KCNQ3: variants seen among roughly 807,000 people sequenced by gnomAD.
The protein encoded by KCNQ3 is potassium voltage-gated channel subfamily Q member 3, also known as potassium voltage-gated channel subfamily KQT member 3.
KCNQ3 carries 30 observed loss-of-function variants against 92.5 expected under a neutral mutation model. That is an observed-to-expected ratio of 0.32 (90% CI 0.24 to 0.44). KCNQ3 has a LOEUF of 0.44. KCNQ3 is among the 20% of genes least tolerant of loss of function. KCNQ3 has a pLI of 1.00. For synonymous variants in KCNQ3, 450 were observed against 468.8 expected (o/e 0.96, Z 0.52); for missense variants, 913 against 1,140.3 (o/e 0.80, Z 2.87).
intron 9 of KCNQ3, among the ~76,000 whole-genome samples, chr8:132,143,423 A>G (rs1825358592): frequency 6.6e-6 from 1 of 152,178 alleles, no homozygotes. Flanking sequence ...AGTGCTAGCA[A>G]GGCAAAGACT....
chr8:132,467,479 G>A (rs1316020701), intron 1 of KCNQ3, among the ~76,000 whole-genome samples: 4 of 152,098 alleles, frequency 2.6e-5, no homozygotes, highest in Non-Finnish European at 5.9e-5. Context: ...CTATTTTATA[G>A]GACTCTTGGT....
intron 1 of KCNQ3, among the ~76,000 whole-genome samples, chr8:132,431,003 C>G (rs1821236005): frequency 6.6e-6 from 1 of 152,154 alleles, no homozygotes; most frequent in Non-Finnish European, 1.5e-5. Context: ...CAAGAATACG[C>G]TGGACAATGG....
chr8:132,129,803 G>T lies in KCNQ3; in HGVS notation c.2078C>A (p.Pro693Gln). 1 of 1,614,146 alleles carries T rather than the reference G, an allele frequency of 6.2e-7. No individual in the cohort carries two copies. The highest frequency in any genetic ancestry group is 8.5e-7 in the Non-Finnish European group (1 of 1,179,998). ...IICNYSETGP[P>Q]EPPYSFHQVT... ...CTGGTGGAAGCTGTAGGGTGGTTCC[G>T]GGGGGCCTGTCTCAGAATAGTTGCA... Residue 693 changes from proline to glutamine, a missense_variant, in exon 15 of 15, where the codon CCG becomes CAG. Pro to Gln is a moderately conservative substitution (Grantham distance 76, BLOSUM62 -1). Coordinates refer to ENST00000388996, the MANE Select transcript of KCNQ3 (RefSeq NM_004519.4). This position sits in a 1 kb window ranked among gnomAD's most constrained non-coding sequence, Gnocchi z 5.9.
intron 3 of KCNQ3, among the ~76,000 whole-genome samples, chr8:132,181,878 T>A (rs534119674): frequency 6.6e-5 from 10 of 151,056 alleles, no homozygotes; most frequent in Non-Finnish European, 1.5e-4. Flanking sequence ...ATGTCTCTAC[T>A]AAAAATACAA....
At chr8:132,187,807 A>ATGGTGG (rs1166642331) in intron 1 of KCNQ3, among the ~76,000 whole-genome samples, 1,251 of 120,450 alleles carry the variant, frequency 0.01, 54 homozygotes, top group African/African-American at 0.041. Context: ...GGTGATAGTG[A>ATGGTGG]TGGTGGTGGT....
chr8:132,306,048 T>C (rs1817412113), intron 1 of KCNQ3, among the ~76,000 whole-genome samples: 1 of 152,320 alleles, frequency 6.6e-6, no homozygotes, highest in East Asian at 1.9e-4. Flanking sequence ...AATTTACAGA[T>C]GCAGAAACCT....
At chr8:132,447,124 C>G (rs1821698937) in intron 1 of KCNQ3, 1 of 1,305,946 alleles carries the variant, frequency 7.7e-7, no homozygotes, top group African/African-American at 1.5e-5. Flanking sequence ...TGGCTCTTTC[C>G]CTCTCCCCCT....
chr8:132,479,992 A>C lies in KCNQ3; in HGVS notation c.386+155T>G, dbSNP rs2597366. On this transcript the variant is annotated intron_variant, in intron 1 of 14. Transcript: ENST00000388996. The stretch of plus-strand genomic sequence containing the variant: ...CACACACACACACACACACACACAC[A>C]CCCAGGGAAACGCGTGCTGAGGACG... Among the ~76,000 whole-genome samples, 102 of 146,970 alleles carry C rather than the reference A, an allele frequency of 6.9e-4. No individual in the cohort carries two copies. The highest frequency in any genetic ancestry group is 7.0e-3 in the Middle Eastern group (2 of 286).
intron 1 of KCNQ3, among the ~76,000 whole-genome samples, chr8:132,247,728 G>T (rs1409012973): frequency 6.6e-6 from 1 of 151,794 alleles, no homozygotes. Flanking sequence ...AACCCAGGAG[G>T]CGGAGGATGC....
At chr8:132,434,062 G>T (rs1258670726) in intron 1 of KCNQ3, among the ~76,000 whole-genome samples, 1 of 151,562 alleles carries the variant, frequency 6.6e-6, no homozygotes, top group Non-Finnish European at 1.5e-5. Context: ...TAAAAAATTA[G>T]CCGGGCGTAG....
At chr8:132,130,506 T>C (rs923077930) in intron 14 of KCNQ3, among the ~76,000 whole-genome samples, 2 of 152,184 alleles carry the variant, frequency 1.3e-5, no homozygotes, top group South Asian at 2.1e-4. Flanking sequence ...CAGGTATTAA[T>C]GTTAATCTAG....
chr8:132,375,389 G>A (rs915530095), intron 1 of KCNQ3, among the ~76,000 whole-genome samples: 2 of 152,094 alleles, frequency 1.3e-5, no homozygotes, highest in Non-Finnish European at 1.5e-5. Flanking sequence ...GGTTTAATAG[G>A]AGACAGCTGA....
At chr8:132,263,915 T>C (rs1815877005) in intron 1 of KCNQ3, among the ~76,000 whole-genome samples, 1 of 152,208 alleles carries the variant, frequency 6.6e-6, no homozygotes, top group Admixed American at 6.5e-5. Flanking sequence ...TGTCTCACCC[T>C]GTGACCCCAG....
At chr8:132,453,598 C>T (rs1228947340) in intron 1 of KCNQ3, among the ~76,000 whole-genome samples, 2 of 152,152 alleles carry the variant, frequency 1.3e-5, no homozygotes, top group African/African-American at 4.8e-5. Context: ...GGCCAGCTGG[C>T]TCCCTCCTCT....
intron 1 of KCNQ3, among the ~76,000 whole-genome samples, chr8:132,366,901 G>A (rs765913059): frequency 6.6e-6 from 1 of 152,124 alleles, no homozygotes; most frequent in Non-Finnish European, 1.5e-5. Flanking sequence ...AGATTGGACT[G>A]TAATTTTCTA....
intron 9 of KCNQ3, among the ~76,000 whole-genome samples, chr8:132,148,348 G>A (rs984804198): frequency 1.3e-5 from 2 of 152,042 alleles, no homozygotes; most frequent in Admixed American, 6.5e-5. Context: ...CGATTCTACT[G>A]CCTCAGCCTC....
chr8:132,430,128 T>G (rs1263305195), intron 1 of KCNQ3, among the ~76,000 whole-genome samples: 1 of 152,174 alleles, frequency 6.6e-6, no homozygotes, highest in East Asian at 1.9e-4. Context: ...GCCTCTTGGT[T>G]CTTTCATGAG....
chr8:132,176,041 C>T (rs1229650551), intron 4 of KCNQ3, among the ~76,000 whole-genome samples: 1 of 152,170 alleles, frequency 6.6e-6, no homozygotes, highest in Admixed American at 6.5e-5. Context: ...GCCCTGACAC[C>T]AGTTTATGGT....
intron 1 of KCNQ3, among the ~76,000 whole-genome samples, chr8:132,457,980 T>C (rs965348151): frequency 6.6e-6 from 1 of 152,298 alleles, no homozygotes; most frequent in Admixed American, 6.5e-5. Flanking sequence ...GTCATGAGCA[T>C]GTCCACCTCC....
Sources: gnomAD v4.1 joint callset for allele counts (sites outside exome capture counted in the v4.1 genomes callset) on GRCh38, gnomAD v4.1.1 for gene constraint, Gnocchi (gnomAD v3.1) non-coding constraint, MANE v1.5 for transcripts, NCBI Gene and HGNC (gene_info 2026-07-23, HGNC 2026-07-21) for gene names.